DPY19L2: variants seen among roughly 807,000 people sequenced by gnomAD.
The protein encoded by DPY19L2 is dpy-19 like 2.
DPY19L2 carries 34 observed loss-of-function variants against 97.9 expected under a neutral mutation model. The observed-to-expected ratio is 0.35, with a 90% CI of 0.26 to 0.46. The LOEUF (loss-of-function observed/expected upper bound fraction) is 0.46, where lower values mean the gene tolerates loss of function less well. DPY19L2 is among the 20% of genes least tolerant of loss of function. The probability of loss-of-function intolerance (pLI) is 1.00; values close to 1 mark genes in which losing one functional copy is unlikely to be tolerated. For synonymous variants in DPY19L2, 230 were observed against 307.9 expected, an observed-to-expected ratio of 0.75 and a Z score of 2.65; for missense variants, 623 against 911.4, an observed-to-expected ratio of 0.68 and a Z score of 4.07.
intron 16 of DPY19L2, among the ~76,000 whole-genome samples, chr12:63,591,760 G>A (rs537555477): frequency 6.9e-4 from 104 of 151,078 alleles, no homozygotes; most frequent in Middle Eastern, 3.4e-3. Context: ...TGACCAACAC[G>A]GTGAAACCCC....
intron 17 of DPY19L2, among the ~76,000 whole-genome samples, chr12:63,583,407 T>C (rs1162061289): frequency 6.6e-6 from 1 of 152,198 alleles, no homozygotes; most frequent in African/African-American, 2.4e-5. Context: ...AACATGACTT[T>C]AGTATCTTGT....
intron 12 of DPY19L2, among the ~76,000 whole-genome samples, chr12:63,608,109 G>C (rs140435744): frequency 6.6e-6 from 1 of 152,120 alleles, no homozygotes; most frequent in Non-Finnish European, 1.5e-5. Flanking sequence ...ACAAAAATTA[G>C]GTAGTGGCTG....
chr12:63,592,141 A>C (rs1028242064), intron 16 of DPY19L2, among the ~76,000 whole-genome samples: 2 of 148,434 alleles, frequency 1.3e-5, no homozygotes, highest in African/African-American at 5.0e-5. Context: ...CAAGACAGAG[A>C]GAGAGAGAGA....
intron 7 of DPY19L2, among the ~76,000 whole-genome samples, chr12:63,624,731 C>G (rs11504152): frequency 2.0e-5 from 3 of 151,942 alleles, no homozygotes; most frequent in Admixed American, 2.0e-4. Flanking sequence ...AATTTTCATA[C>G]GAACTTTAAA....
At chr12:63,588,745 C>CTTTTT (rs913709153) in intron 16 of DPY19L2, among the ~76,000 whole-genome samples, 221 of 129,882 alleles carry the variant, frequency 1.7e-3, no homozygotes, top group East Asian at 8.2e-3. Context: ...AGGAAACTTT[C>CTTTTT]TTTTTTTTTT....
At chr12:63,623,176 T>A (rs1265379346) in intron 8 of DPY19L2, among the ~76,000 whole-genome samples, 3 of 151,652 alleles carry the variant, frequency 2.0e-5, no homozygotes, top group Admixed American at 6.6e-5. Context: ...TTATGGGGTT[T>A]TTTGTTCATT....
intron 6 of DPY19L2, among the ~76,000 whole-genome samples, chr12:63,639,531 G>A (rs1423287860): frequency 1.3e-5 from 2 of 152,126 alleles, no homozygotes. Flanking sequence ...CCATCAAAAA[G>A]TGGATGAAGG....
intron 6 of DPY19L2, among the ~76,000 whole-genome samples, chr12:63,635,394 A>T (rs1463913211): frequency 6.6e-6 from 1 of 152,186 alleles, no homozygotes; most frequent in Non-Finnish European, 1.5e-5. Context: ...CCAAAGGAGC[A>T]TAGCTCCTTG....
At chr12:63,614,340 C>T (rs1436874629) in intron 11 of DPY19L2, among the ~76,000 whole-genome samples, 4 of 151,824 alleles carry the variant, frequency 2.6e-5, no homozygotes, top group African/African-American at 7.3e-5. Context: ...TAGAACAAGA[C>T]TAAAATAACC....
At chr12:63,578,029 T>C (rs1880179489) in intron 19 of DPY19L2, among the ~76,000 whole-genome samples, 1 of 152,274 alleles carries the variant, frequency 6.6e-6, no homozygotes, top group South Asian at 2.1e-4. Context: ...ATAGTCTAGA[T>C]TTGGAAGCAA....
chr12:63,594,250 G>A (rs1883704293), intron 15 of DPY19L2, 117 bp from the exon 16 acceptor site: 1 of 734,512 alleles, frequency 1.4e-6, no homozygotes, highest in Non-Finnish European at 2.2e-6. Flanking sequence ...AATGTTTAAG[G>A]GAGTCCTCAG....
intron 4 of DPY19L2, among the ~76,000 whole-genome samples, chr12:63,656,224 T>G (rs1894951669): frequency 6.6e-6 from 1 of 152,172 alleles, no homozygotes; most frequent in Non-Finnish European, 1.5e-5. Flanking sequence ...CTCCATTTTC[T>G]CCGTGTTTAT....
chr12:63,566,479 C>T (rs1877735644), intron 21 of DPY19L2, among the ~76,000 whole-genome samples: 1 of 151,894 alleles, frequency 6.6e-6, no homozygotes, highest in Non-Finnish European at 1.5e-5. Context: ...TAACCCCTCG[C>T]AACCACAAAT....
At chr12:63,602,346 A>G (rs1239958916) in intron 12 of DPY19L2, among the ~76,000 whole-genome samples, 3 of 152,098 alleles carry the variant, frequency 2.0e-5, no homozygotes, top group Non-Finnish European at 4.4e-5. Flanking sequence ...AAGGCACTAA[A>G]ACAATGATGA....
At chr12:63,561,052 C>T (rs1325144492) in intron 21 of DPY19L2, among the ~76,000 whole-genome samples, 2 of 152,090 alleles carry the variant, frequency 1.3e-5, no homozygotes, top group Non-Finnish European at 2.9e-5. Flanking sequence ...ATGAATTTCA[C>T]ATTTTTTAGC....
chr12:63,668,676 C>T (rs184421137), upstream of DPY19L2: 1 of 444,682 alleles, frequency 2.2e-6, no homozygotes, highest in African/African-American at 2.0e-5. Context: ...GAGGGCAGCC[C>T]CACGCACAGC....
intron 1 of DPY19L2, among the ~76,000 whole-genome samples, chr12:63,667,854 C>G (rs543920943): frequency 6.6e-6 from 1 of 152,268 alleles, no homozygotes; most frequent in African/African-American, 2.4e-5. Context: ...TGCGATCTGA[C>G]AGCCCTTCAA....
At chr12:63,609,578 C>A (rs1258506527) in intron 11 of DPY19L2, among the ~76,000 whole-genome samples, 1 of 152,086 alleles carries the variant, frequency 6.6e-6, no homozygotes, top group Admixed American at 6.5e-5. Context: ...TCACCAAGAA[C>A]CAAATCAGTT....
intron 7 of DPY19L2, 127 bp from the exon 8 acceptor site, chr12:63,624,258 A>G: frequency 1.5e-6 from 1 of 683,468 alleles, no homozygotes; most frequent in Non-Finnish European, 2.6e-6. Context: ...AGTGTCTGGC[A>G]TAGCTTCTCA....
Sources: allele counts gnomAD v4.1 joint callset (sites outside exome capture counted in the v4.1 genomes callset), GRCh38; gene constraint gnomAD v4.1.1; transcripts MANE v1.5; gene names NCBI Gene and HGNC (gene_info 2026-07-23, HGNC 2026-07-21).